Variants in MSR1 observed in about 807,000 individuals in gnomAD.
MSR1 encodes the protein macrophage scavenger receptor types I and II.
A neutral mutation model predicts 47.2 loss-of-function variants in MSR1; 53 were observed. That is an observed-to-expected ratio of 1.12 (90% CI 0.90 to 1.41). MSR1 has a LOEUF of 1.41. Among genes scored for constraint, MSR1 ranks in the 40% most tolerant of loss-of-function variants. MSR1 has a pLI of 0.00. For synonymous variants in MSR1, 239 were observed against 185.6 expected, an observed-to-expected ratio of 1.29 and a Z score of -2.34; for missense variants, 786 against 546.9, an observed-to-expected ratio of 1.44 and a Z score of -4.36.
chr8:16,156,962 T>G (rs1204064347), intron 5 of MSR1, among the ~76,000 whole-genome samples: 1 of 151,860 alleles, frequency 6.6e-6, no homozygotes, highest in Non-Finnish European at 1.5e-5. Context: ...CATTCAACAC[T>G]ACATAGCAAT....
At chr8:16,140,489 A>C (rs922162456) in intron 8 of MSR1, 1 of 991,052 alleles carries the variant, frequency 1.0e-6, no homozygotes. Flanking sequence ...GCATGAGCAA[A>C]GCATGGCGAG....
At chr8:16,141,039 A>T in intron 8 of MSR1, 1 of 1,613,460 alleles carries the variant, frequency 6.2e-7, no homozygotes, top group East Asian at 2.2e-5. Context: ...AGTGAGTTGT[A>T]CTGGTCCTGA....
At chr8:16,160,047 G>A (rs1326146459) in intron 5 of MSR1, among the ~76,000 whole-genome samples, 5 of 151,972 alleles carry the variant, frequency 3.3e-5, no homozygotes, top group Non-Finnish European at 2.9e-5. Flanking sequence ...TTCAAGACTA[G>A]TTAAGAGACA....
chr8:16,118,765 C>T (rs970971774), intron 9 of MSR1, among the ~76,000 whole-genome samples: 1 of 152,084 alleles, frequency 6.6e-6, no homozygotes, highest in Non-Finnish European at 1.5e-5. Context: ...TAACTGATGG[C>T]ATCATTCAAT....
chr8:16,120,615 T>TA lies in MSR1; in HGVS notation c.1034-10_1034-9insT, dbSNP rs1563139428. On this transcript the variant is annotated splice_polypyrimidine_tract_variant and intron_variant, in intron 8 of 9. Transcript: ENST00000262101. ...AACTTTCGTAAATGGAGCTGTAAAGTTAAAAAAAAAAAAAAAAAAAAAAAA... is the reference window on the plus strand; with the variant it reads ...AACTTTCGTAAATGGAGCTGTAAAGTATAAAAAAAAAAAAAAAAAAAAAAAA... The TA allele has an allele frequency of 1.2e-5, 16 of 1,334,270 alleles. No individual in the cohort carries two copies. In the African/African-American group the frequency reaches 2.3e-4, roughly 19 times the overall value. 82.7% of individuals were successfully genotyped at this position (1,334,270 alleles called of 1,614,324 possible). A position where few individuals can be genotyped will look rare whatever the true frequency, so the allele number is the denominator to read the frequency against.
chr8:16,125,020 A>G (rs1800097134), intron 8 of MSR1, among the ~76,000 whole-genome samples: 1 of 151,968 alleles, frequency 6.6e-6, no homozygotes, highest in Admixed American at 6.6e-5. Flanking sequence ...ACTGGCATAA[A>G]CATAAGTGTT....
rs1414353037 is a variant in MSR1 at position 16,109,300 on chromosome 8, T to A, written c.*785A>T. ...TTTGTTAAAATGGATTAATCAGATTTAAATTTTAAACACCATGTCCTAGAA... is the reference window on the plus strand; with the variant it reads ...TTTGTTAAAATGGATTAATCAGATTAAAATTTTAAACACCATGTCCTAGAA... On this transcript the variant is annotated 3_prime_UTR_variant, in exon 10 of 10. Transcript: ENST00000262101. The A allele has an allele frequency of 1.3e-5, 2 of 151,662 alleles. No individual in the cohort carries two copies. The highest frequency in any genetic ancestry group is 4.8e-5 in the African/African-American group (2 of 41,314). 9.4% of individuals were successfully genotyped at this position (151,662 alleles called of 1,614,324 possible). A position where few individuals can be genotyped will look rare whatever the true frequency, so the allele number is the denominator to read the frequency against.
At chr8:16,116,090 AAAGAG>A (rs1181393466) in intron 9 of MSR1, among the ~76,000 whole-genome samples, 1 of 152,188 alleles carries the variant, frequency 6.6e-6, no homozygotes, top group African/African-American at 2.4e-5. Flanking sequence ...TCACTCTTTC[AAAGAG>A]AATAGCAAAT....
rs775984703 is a variant in MSR1, at chr8:16,133,546, G to A, written c.1033+10012C>T. ...ATAACTTTCTCAAAATACTCTCATA[G>A]TAAGCCTAGGTTACCATTCTTTGGC... On this transcript the variant is annotated intron_variant, in intron 8 of 9. Transcript: ENST00000262101. Among the ~76,000 whole-genome samples, 72 of 152,088 alleles carry A rather than the reference G, an allele frequency of 4.7e-4. 1 individual carries two copies. The highest frequency in any genetic ancestry group is 2.1e-4 in the South Asian group (1 of 4,826).
intron 1 of MSR1, chr8:16,186,256 C>G (rs549185897): frequency 1.4e-6 from 2 of 1,475,626 alleles, no homozygotes; most frequent in Non-Finnish European, 1.8e-6. Context: ...ATCTCCCCAA[C>G]GTCTCAACAG....
At chr8:16,151,229 G>T (rs1002952365) in intron 6 of MSR1, among the ~76,000 whole-genome samples, 1 of 152,048 alleles carries the variant, frequency 6.6e-6, no homozygotes, top group African/African-American at 2.4e-5. Context: ...GAGCATCAGA[G>T]AAGCCCCTCC....
At chr8:16,163,990 A>C (rs1801231868) in intron 5 of MSR1, 75 bp downstream of exon 5, 1 of 1,164,346 alleles carries the variant, frequency 8.6e-7, no homozygotes, top group East Asian at 2.6e-5. Flanking sequence ...TAGGATTTCA[A>C]ATATCAAATC....
At chr8:16,122,014 A>T (rs1012314084) in intron 8 of MSR1, among the ~76,000 whole-genome samples, 1 of 152,038 alleles carries the variant, frequency 6.6e-6, no homozygotes, top group Non-Finnish European at 1.5e-5. Context: ...CCTGTAATGA[A>T]ATTGAGTGAC....
At chr8:16,188,555 A>G (rs898976744) in intron 1 of MSR1, among the ~76,000 whole-genome samples, 2 of 152,036 alleles carry the variant, frequency 1.3e-5, no homozygotes, top group Admixed American at 6.6e-5. Context: ...CAGGTTTGCT[A>G]CATTGGTATA....
rs537078701 is a variant in MSR1 at position 16,168,596 on chromosome 8, G to A, written c.492C>T (p.Ser164=). 1 of 1,614,100 alleles carries A rather than the reference G, an allele frequency of 6.2e-7. No homozygotes were observed. Among genetic ancestry groups the A allele is most frequent in the Admixed American group, 1.7e-5 (1 of 60,022 alleles). The change falls in exon 4 of 10, where the codon TCC becomes TCT. Residue 164 remains serine (S), a synonymous_variant. Transcript: ENST00000262101. ...DILLQLSTLF[S]SVQGHGNAID... ...TTGCATTCCCATGTCCCTGGACTGA[G>A]GAAAACAAGGTACTTAGCTGCAGAA... is the stretch of plus-strand genomic sequence containing the variant.
intron 6 of MSR1, among the ~76,000 whole-genome samples, chr8:16,151,083 T>C (rs1489364785): frequency 6.6e-6 from 1 of 152,176 alleles, no homozygotes; most frequent in Non-Finnish European, 1.5e-5. Flanking sequence ...TAGTTCTTGA[T>C]AAACTATTGT....
At position 16,178,029 on chromosome 8, in the gene MSR1, T is replaced by A. The variant is rs920212651; in HGVS notation, c.-4-37A>T. The A allele has an allele frequency of 4.0e-6, 6 of 1,492,894 alleles. No homozygotes were observed. The African/African-American group carries it at 5.5e-5, about 14-fold the overall frequency. 92.5% of individuals were successfully genotyped at this position (1,492,894 alleles called of 1,614,324 possible). ...AATGGAAAAATATATTAATTCCACA[T>A]GAAATGGCTAGGGCTCTTTTGCATA... On this transcript the variant is annotated intron_variant, in intron 1 of 9. Coordinates refer to ENST00000262101, the MANE Select transcript of MSR1 (RefSeq NM_138715.3).
intron 8 of MSR1, among the ~76,000 whole-genome samples, chr8:16,137,297 CAAAT>C (rs1261939615): frequency 6.6e-6 from 1 of 151,998 alleles, no homozygotes; most frequent in Admixed American, 6.6e-5. Flanking sequence ...GAAACACAAA[CAAAT>C]AAAGAATAAC....
chr8:16,117,646 T>A, intron 9 of MSR1, among the ~76,000 whole-genome samples: 1 of 152,130 alleles, frequency 6.6e-6, no homozygotes, highest in East Asian at 1.9e-4. Context: ...AAAAGCCTGC[T>A]TCCATTTCCA....
Sources: gnomAD v4.1 joint callset for allele counts (sites outside exome capture counted in the v4.1 genomes callset) on GRCh38, gnomAD v4.1.1 for gene constraint, MANE v1.5 for transcripts, NCBI Gene and HGNC (gene_info 2026-07-23, HGNC 2026-07-21) for gene names.